LRRC69: variants seen among roughly 807,000 people sequenced by gnomAD.
LRRC69 encodes the protein leucine rich repeat containing 69, also known as leucine-rich repeat-containing protein 69.
Under a neutral mutation model 37.8 loss-of-function variants are expected in LRRC69, and 42 were observed. The observed-to-expected ratio is 1.11, with a 90% CI of 0.87 to 1.44. The LOEUF is 1.44. Among genes scored for constraint, LRRC69 ranks in the 40% most tolerant of loss-of-function variants. LRRC69 has a pLI of 0.00. For missense variants in LRRC69, 357 were observed against 401.9 expected (o/e 0.89, Z 0.96); for synonymous variants, 141 against 143.1 (o/e 0.99, Z 0.11).
chr8:91,132,661 C>G (rs970072582), intron 3 of LRRC69, among the ~76,000 whole-genome samples: 10 of 151,920 alleles, frequency 6.6e-5, no homozygotes, highest in African/African-American at 2.4e-4. Flanking sequence ...GTGGCTGATT[C>G]ATCTTTGAAC....
At chr8:91,168,767 G>C (rs1347148418) in intron 5 of LRRC69, among the ~76,000 whole-genome samples, 1 of 151,714 alleles carries the variant, frequency 6.6e-6, no homozygotes, top group South Asian at 2.1e-4. Context: ...AGCAAGCCAG[G>C]CCATAAAAAT....
chr8:91,114,286 A>G (rs1813467795), intron 1 of LRRC69, among the ~76,000 whole-genome samples: 1 of 152,000 alleles, frequency 6.6e-6, no homozygotes. Flanking sequence ...ATGATCCAGC[A>G]ATCCTACTCT....
intron 4 of LRRC69, among the ~76,000 whole-genome samples, chr8:91,133,684 G>T (rs1056678349): frequency 6.6e-6 from 1 of 151,944 alleles, no homozygotes; most frequent in African/African-American, 2.4e-5. Context: ...GCCTAGGCTG[G>T]AGTGCAGTGG....
At chr8:91,119,359 T>C (rs1813575401) in intron 1 of LRRC69, among the ~76,000 whole-genome samples, 1 of 152,064 alleles carries the variant, frequency 6.6e-6, no homozygotes, top group Non-Finnish European at 1.5e-5. Flanking sequence ...AGGCAATCAG[T>C]GAATCTTCCT....
At chr8:91,140,091 C>CA (rs560827789) in intron 5 of LRRC69, among the ~76,000 whole-genome samples, 2,738 of 114,840 alleles carry the variant, frequency 0.024, 93 homozygotes, top group African/African-American at 0.078. Context: ...AACTCCGTCT[C>CA]AAAAAAAAAA....
At chr8:91,164,386 GGAAAAGCTGGCA>G (rs1808994630) in intron 5 of LRRC69, among the ~76,000 whole-genome samples, 1 of 151,622 alleles carries the variant, frequency 6.6e-6, no homozygotes, top group Non-Finnish European at 1.5e-5. Context: ...CTTTCCTTTA[GGAAAAGCTGGCA>G]AGGAAATTCC....
At chr8:91,171,280 C>T (rs1809125683) in intron 5 of LRRC69, among the ~76,000 whole-genome samples, 1 of 134,874 alleles carries the variant, frequency 7.4e-6, no homozygotes, top group Non-Finnish European at 1.6e-5. Flanking sequence ...CTCTTACCCC[C>T]CATGAAATTT....
chr8:91,159,471 T>G (rs1159682438), intron 5 of LRRC69, among the ~76,000 whole-genome samples: 1 of 151,262 alleles, frequency 6.6e-6, no homozygotes, highest in South Asian at 2.1e-4. Context: ...AACTAAAAAT[T>G]TTTTAAACAA....
intron 5 of LRRC69, among the ~76,000 whole-genome samples, chr8:91,183,084 T>C (rs1420844602): frequency 6.6e-6 from 1 of 152,128 alleles, no homozygotes; most frequent in Non-Finnish European, 1.5e-5. Flanking sequence ...TTCAGAAAAC[T>C]GGAAGAAATT....
intron 5 of LRRC69, among the ~76,000 whole-genome samples, chr8:91,179,989 A>G (rs949726937): frequency 6.6e-6 from 1 of 152,134 alleles, no homozygotes; most frequent in Non-Finnish European, 1.5e-5. Flanking sequence ...ACTTTTCATT[A>G]TTTTTAGCCT....
intron 5 of LRRC69, among the ~76,000 whole-genome samples, chr8:91,187,010 G>T (rs1341888156): frequency 6.6e-6 from 1 of 152,198 alleles, no homozygotes; most frequent in Admixed American, 6.5e-5. Context: ...TCATTGGACA[G>T]CCAAATATTT....
At chr8:91,185,279 G>A (rs962995272) in intron 5 of LRRC69, among the ~76,000 whole-genome samples, 1 of 152,156 alleles carries the variant, frequency 6.6e-6, no homozygotes, top group Admixed American at 6.5e-5. Context: ...CTGGGCTTGG[G>A]GGCCTTCATC....
intron 1 of LRRC69, among the ~76,000 whole-genome samples, chr8:91,107,526 T>G (rs1355222639): frequency 6.6e-6 from 1 of 152,054 alleles, no homozygotes; most frequent in Non-Finnish European, 1.5e-5. Context: ...GTGTGGTCCC[T>G]GCCTTCATGT....
intron 6 of LRRC69, among the ~76,000 whole-genome samples, chr8:91,197,466 C>T (rs1193589619): frequency 6.6e-6 from 1 of 152,054 alleles, no homozygotes; most frequent in Non-Finnish European, 1.5e-5. Flanking sequence ...GCAGTTTGAT[C>T]TCAGACTGCT....
intron 7 of LRRC69, among the ~76,000 whole-genome samples, chr8:91,204,640 C>T (rs914721448): frequency 3.9e-5 from 6 of 152,338 alleles, no homozygotes; most frequent in African/African-American, 1.2e-4. Context: ...TTAGGCCTTT[C>T]GCCTTTCACA....
At chr8:91,200,588 A>G in intron 6 of LRRC69, 25 bp from the exon 7 acceptor site, 1 of 1,359,266 alleles carries the variant, frequency 7.4e-7, no homozygotes, top group Non-Finnish European at 9.7e-7. Context: ...CAATCTGAGG[A>G]ACTGTATTTT....
intron 6 of LRRC69, among the ~76,000 whole-genome samples, chr8:91,192,933 C>G (rs1809526731): frequency 6.6e-6 from 1 of 152,144 alleles, no homozygotes; most frequent in Non-Finnish European, 1.5e-5. Context: ...AGCCTATGTC[C>G]TGAATGGTAT....
In LRRC69 at chr8:91,189,475, GT is replaced by G. The variant is rs1429876343; in HGVS notation, c.652-44del. ...TATTAAAAATGTAGCTTTAGAGGTA[GT>G]TTCATTATTTTGTTGTGCAATAAGG... On this transcript the variant is annotated intron_variant, in intron 5 of 7. Coordinates refer to ENST00000448384, the Ensembl canonical transcript of LRRC69. 1.9e-5 allele frequency: 23 copies of G among 1,215,812 alleles called. No individual in the cohort carries two copies. The Admixed American group carries it at 4.6e-4, about 25-fold the overall frequency. The allele number at this position is 1,215,812 out of a possible 1,614,324, so 75.3% of individuals were successfully genotyped here.
intron 7 of LRRC69, among the ~76,000 whole-genome samples, chr8:91,207,412 G>A (rs1436667946): frequency 6.6e-6 from 1 of 152,174 alleles, no homozygotes; most frequent in Non-Finnish European, 1.5e-5. Flanking sequence ...GTAAACCAAG[G>A]CTTTCAGACA....
Sources: allele counts gnomAD v4.1 joint callset (sites outside exome capture counted in the v4.1 genomes callset), GRCh38; gene constraint gnomAD v4.1.1; transcripts MANE v1.5; gene names NCBI Gene and HGNC (gene_info 2026-07-23, HGNC 2026-07-21).